The following WIPI2 variants were observed in gnomAD, a reference collection of about 807,000 sequenced individuals.
WIPI2 encodes the protein WD repeat domain, phosphoinositide interacting 2.
A neutral mutation model predicts 52.3 loss-of-function variants in WIPI2; 28 were observed. The ratio of observed to expected loss-of-function variants is 0.54; its 90% CI spans 0.40 to 0.73. The LOEUF (loss-of-function observed/expected upper bound fraction) is 0.73, where lower values mean the gene tolerates loss of function less well. Among genes scored for constraint, WIPI2 ranks in the 30% least tolerant of loss-of-function variants. The pLI is 0.00. For missense variants in WIPI2, 506 were observed against 602.9 expected, an observed-to-expected ratio of 0.84 and a Z score of 1.68; for synonymous variants, 268 against 245.0, an observed-to-expected ratio of 1.09 and a Z score of -0.88.
intron 9 of WIPI2, 107 bp downstream of exon 9, chr7:5,226,037 AG>A (rs1783413720): frequency 1.8e-6 from 2 of 1,114,646 alleles, no homozygotes; most frequent in Admixed American, 4.1e-5. Context: ...TGACATCGTT[AG>A]CCAGTGAAGA....
At position 5,197,111 on chromosome 7, in the gene WIPI2, C is replaced by CA. The variant is rs1562384541; in HGVS notation, c.129-2459dup. Among the ~76,000 whole-genome samples the CA allele has an allele frequency of 6.4e-4, 36 of 56,424 alleles. 4 individuals are homozygous for CA. The highest frequency in any genetic ancestry group is 9.8e-4 in the African/African-American group (10 of 10,234). 37.0% of individuals were successfully genotyped at this position (56,424 alleles called of 152,430 possible). On this transcript the variant is annotated intron_variant, in intron 2 of 12. Transcript: ENST00000288828. ...TGCATGACAGAGCGGGACTCCGTCTCAAAAAACAAAAAAAAAAAAAAAAAA... is the reference window on the plus strand; with the variant it reads ...TGCATGACAGAGCGGGACTCCGTCTCAAAAAAACAAAAAAAAAAAAAAAAAA...
chr7:5,213,271 A>G (rs961888422), intron 3 of WIPI2: 2 of 152,262 alleles, frequency 1.3e-5, no homozygotes, highest in Admixed American at 1.3e-4. Flanking sequence ...GTTGTCAGAA[A>G]GAAGGTTTAT....
chr7:5,230,436 G>A lies in WIPI2; in HGVS notation c.1253-399G>A, dbSNP rs1201833709. 2.0e-5 allele frequency among the ~76,000 whole-genome samples: 3 copies of A among 152,224 alleles called. No homozygotes were observed. Among genetic ancestry groups the A allele is most frequent in the Non-Finnish European group, 2.9e-5 (2 of 68,040 alleles). On this transcript the variant is annotated intron_variant, in intron 12 of 12. Coordinates refer to ENST00000288828, the MANE Select transcript of WIPI2 (RefSeq NM_015610.4). The surrounding 1 kb of genome is among the most constrained non-coding windows in gnomAD (Gnocchi z 4.8). The stretch of plus-strand genomic sequence containing the variant: ...GGAGAGCCTGTGGTTTTGCACCCAC[G>A]CAGGGCTGTGCCTGCTCGCTGCCAC...
At chr7:5,225,975 T>C (rs1014143130) in intron 9 of WIPI2, 45 bp downstream of exon 9, 13 of 1,546,584 alleles carry the variant, frequency 8.4e-6, no homozygotes, top group Middle Eastern at 1.7e-4. Context: ...GCAAAACCCT[T>C]TGTCCCCACT....
intron 7 of WIPI2, among the ~76,000 whole-genome samples, chr7:5,221,099 G>A (rs1406982403): frequency 6.6e-6 from 1 of 151,950 alleles, no homozygotes; most frequent in Non-Finnish European, 1.5e-5. Context: ...GAGTAGCTGG[G>A]ATTACAGGCA....
chr7:5,225,307 A>G (rs1783373299), intron 8 of WIPI2, among the ~76,000 whole-genome samples: 2 of 151,948 alleles, frequency 1.3e-5, no homozygotes, highest in Non-Finnish European at 2.9e-5. Flanking sequence ...CGCCCAGCTA[A>G]TTTTTGTAAT....
chr7:5,198,859 AAGTGATCACC>A (rs750956948), intron 2 of WIPI2, among the ~76,000 whole-genome samples: 11 of 152,192 alleles, frequency 7.2e-5, no homozygotes, highest in Non-Finnish European at 1.3e-4. Flanking sequence ...ACGTCTTTTG[AAGTGATCACC>A]AGTCCAGTTA....
In WIPI2 at chr7:5,203,443, G is replaced by A. The variant is rs983095414; in HGVS notation, c.211+3785G>A. ...TTCATCGTTGCCAACTATAAACCACGCCAGCAGAAGCAAAAAGCAACATTC... is the reference window on the plus strand; with the variant it reads ...TTCATCGTTGCCAACTATAAACCACACCAGCAGAAGCAAAAAGCAACATTC... On this transcript the variant is annotated intron_variant, in intron 3 of 12. Transcript: ENST00000288828. 5.9e-5 allele frequency among the ~76,000 whole-genome samples: 9 copies of A among 151,966 alleles called. No homozygotes were observed. In the South Asian group the frequency reaches 6.2e-4, roughly 11 times the overall value.
intron 8 of WIPI2, among the ~76,000 whole-genome samples, chr7:5,223,031 T>G (rs1783225553): frequency 6.6e-6 from 1 of 152,202 alleles, no homozygotes. Flanking sequence ...TGAGAACCTG[T>G]TCCAGCTCTC....
At chr7:5,222,038 C>A (rs1783165014) in intron 7 of WIPI2, among the ~76,000 whole-genome samples, 1 of 151,142 alleles carries the variant, frequency 6.6e-6, no homozygotes, top group Admixed American at 6.7e-5. Flanking sequence ...CAACCTCCAC[C>A]TCCTGGGTTC....
chr7:5,227,089 C>A lies in WIPI2; in HGVS notation c.849-91C>A. 2.0e-6 allele frequency: 3 copies of A among 1,516,632 alleles called. No homozygotes were observed. The highest frequency in any genetic ancestry group is 2.7e-6 in the Non-Finnish European group (3 of 1,122,356). The allele number at this position is 1,516,632 out of a possible 1,614,324, so 93.9% of individuals were successfully genotyped here. A position where few individuals can be genotyped will look rare whatever the true frequency, so the allele number is the denominator to read the frequency against. ...TGTGAAGAATGGAGACTTTTGCTGT[C>A]GGCTCCAGAGCTGTGCGTCTGTGTG... On this transcript the variant is annotated intron_variant, in intron 9 of 12. Coordinates refer to ENST00000288828, the MANE Select transcript of WIPI2 (RefSeq NM_015610.4). This position sits in a 1 kb window ranked among gnomAD's most constrained non-coding sequence, Gnocchi z 8.1.
chr7:5,215,672 G>A (rs368369482), intron 4 of WIPI2, among the ~76,000 whole-genome samples: 105 of 152,372 alleles, frequency 6.9e-4, no homozygotes, highest in African/African-American at 2.4e-3. Context: ...CTTGCCTTAC[G>A]CAGTTGAAAC....
rs1416029390 is a variant in WIPI2 at position 5,217,123 on chromosome 7, G to A, written c.512G>A (p.Cys171Tyr). 6 of 1,613,870 alleles carry A rather than the reference G, an allele frequency of 3.7e-6. No homozygotes were observed. The highest frequency in any genetic ancestry group is 5.1e-6 in the Non-Finnish European group (6 of 1,179,872). Residue 171 changes from cysteine to tyrosine, a missense_variant, in exon 6 of 13, where the codon TGC becomes TAC. By Grantham distance (194) the Cys-to-Tyr change is radical. Transcript: ENST00000288828. ...GCGCTGTCAATCAACAACGACAACT[G>A]CTACTTGGCGTACCCAGGGAGCGCG... ...LCALSINNDNCYLAYPGSATI... is the reference protein window; with the variant it reads ...LCALSINNDNYYLAYPGSATI...
chr7:5,199,305 G>A (rs1380137129), intron 2 of WIPI2, among the ~76,000 whole-genome samples: 1 of 152,220 alleles, frequency 6.6e-6, no homozygotes, highest in Non-Finnish European at 1.5e-5. Context: ...GCCTCCCAAA[G>A]TGTTGGGATT....
intron 6 of WIPI2, chr7:5,217,650 T>A: frequency 2.1e-6 from 1 of 465,548 alleles, no homozygotes; most frequent in Non-Finnish European, 4.0e-6. Flanking sequence ...CTTCTGGATC[T>A]GCTGCGGCGT....
chr7:5,229,616 G>A lies in WIPI2; in HGVS notation c.1130G>A (p.Gly377Asp). 6.2e-7 allele frequency: 1 copy of A among 1,612,944 alleles called. No homozygotes were observed. The change falls in exon 12 of 13, where the codon GGC becomes GAC. Residue 377 changes from glycine (G) to aspartate (D), a missense_variant. By Grantham distance (94) the Gly-to-Asp change is moderately conservative. Coordinates refer to ENST00000288828, the MANE Select transcript of WIPI2 (RefSeq NM_015610.4). Reference protein sequence around the residue: ...CALMKQHRLDGSLETTNEILD... With the variant: ...CALMKQHRLDDSLETTNEILD... ...CGCTTTCTTCCCTCCAGGCTGGACG[G>A]CAGTCTGGAAACGACCAATGAGATC... is the stretch of plus-strand genomic sequence containing the variant.
At position 5,199,657 on chromosome 7, in the gene WIPI2, CAGTA is replaced by C; in HGVS notation, c.211+3_211+6del. ...ATAAGCTGGAACAGATCTATGAATG[CAGTA>C]AGTGTTTGCTTTATTTTTCCCCTTC... On this transcript the variant is annotated splice_donor_variant and splice_donor_region_variant and coding_sequence_variant and intron_variant, in exon 3 of 13. Transcript: ENST00000288828. LOFTEE classifies it high-confidence loss of function. 6.3e-7 allele frequency: 1 copy of C among 1,585,758 alleles called. No individual in the cohort carries two copies. The highest frequency in any genetic ancestry group is 8.5e-7 in the Non-Finnish European group (1 of 1,171,972).
chr7:5,224,293 G>A (rs962734729), intron 8 of WIPI2, among the ~76,000 whole-genome samples: 4 of 152,192 alleles, frequency 2.6e-5, no homozygotes, highest in East Asian at 1.9e-4. Flanking sequence ...TGTCGCCCTC[G>A]AGGAGGCCTT....
intron 2 of WIPI2, among the ~76,000 whole-genome samples, chr7:5,194,197 G>A (rs1342526034): frequency 6.6e-6 from 1 of 152,298 alleles, no homozygotes; most frequent in East Asian, 1.9e-4. Flanking sequence ...GGGATATGGA[G>A]GTGGAGGATG....
Sources: allele counts gnomAD v4.1 joint callset (sites outside exome capture counted in the v4.1 genomes callset), GRCh38; gene constraint gnomAD v4.1.1; non-coding constraint Gnocchi (gnomAD v3.1); transcripts MANE v1.5; gene names NCBI Gene and HGNC (gene_info 2026-07-23, HGNC 2026-07-21).